Variants in PHLPP2 observed in about 807,000 individuals in gnomAD.
PHLPP2 encodes PH domain and leucine rich repeat protein phosphatase 2, also known as PH domain leucine-rich repeat-containing protein phosphatase 2.
Under a neutral mutation model 124.9 loss-of-function variants are expected in PHLPP2, and 66 were observed. The ratio of observed to expected loss-of-function variants is 0.53; its 90% CI spans 0.43 to 0.65. The LOEUF (loss-of-function observed/expected upper bound fraction) is 0.65, where lower values mean the gene tolerates loss of function less well. Among genes scored for constraint, PHLPP2 ranks in the 30% least tolerant of loss-of-function variants. The pLI, the probability that PHLPP2 is intolerant of heterozygous loss-of-function variation, is 0.00. For synonymous variants in PHLPP2, 681 were observed against 624.7 expected (o/e 1.09, Z -1.34); for missense variants, 1,685 against 1,600.4 (o/e 1.05, Z -0.90).
At chr16:71,706,025 G>A (rs555391589) in intron 2 of PHLPP2, among the ~76,000 whole-genome samples, 1 of 152,292 alleles carries the variant, frequency 6.6e-6, no homozygotes, top group East Asian at 1.9e-4. Context: ...TAAGAATCTG[G>A]TAATTAGCTA....
At chr16:71,687,846 G>A (rs1435666034) in intron 4 of PHLPP2, among the ~76,000 whole-genome samples, 1 of 151,724 alleles carries the variant, frequency 6.6e-6, no homozygotes, top group South Asian at 2.1e-4. Flanking sequence ...CTCTTCTCTA[G>A]AACTCCTATT....
intron 2 of PHLPP2, among the ~76,000 whole-genome samples, chr16:71,705,711 C>T (rs964989924): frequency 1.2e-4 from 18 of 152,238 alleles, no homozygotes; most frequent in East Asian, 9.7e-4. Flanking sequence ...AGGGTTTTAT[C>T]ATACTGGCCA....
intron 1 of PHLPP2, among the ~76,000 whole-genome samples, chr16:71,718,243 T>C (rs371232473): frequency 3.3e-5 from 5 of 152,226 alleles, no homozygotes; most frequent in African/African-American, 1.2e-4. Flanking sequence ...TGCATATATA[T>C]TTACCTTAGA....
intron 11 of PHLPP2, 66 bp from the exon 12 acceptor site, chr16:71,667,399 C>T (rs2044849055): frequency 8.6e-6 from 11 of 1,273,990 alleles, no homozygotes; most frequent in Non-Finnish European, 1.2e-5. Flanking sequence ...TGAGGCTGTC[C>T]TAGCCTATTT....
chr16:71,672,535 T>G (rs2044904507), intron 9 of PHLPP2, among the ~76,000 whole-genome samples: 1 of 152,268 alleles, frequency 6.6e-6, no homozygotes, highest in African/African-American at 2.4e-5. Flanking sequence ...TGAAGGATCC[T>G]GTGTACTGCA....
Position 71,652,887 on chromosome 16 carries a change from C to G in PHLPP2, c.2720G>C (p.Arg907Pro). 4.3e-6 allele frequency: 7 copies of G among 1,614,110 alleles called. No individual in the cohort carries two copies. Among genetic ancestry groups the G allele is most frequent in the Non-Finnish European group, 5.9e-6 (7 of 1,180,022 alleles). ...NVGTCQAVLC[R>P]GGKPVPLSKV... ...AGAGAGGGGCACTGGCTTCCCACCT[C>G]GGCACAGGACTGCTTGGCACGTGCC... Residue 907 changes from arginine (R) to proline (P), a missense_variant, in exon 18 of 19, where the codon CGA becomes CCA. By Grantham distance (103) the Arg-to-Pro change is moderately radical. Coordinates refer to ENST00000568954, the MANE Select transcript of PHLPP2 (RefSeq NM_015020.3).
Position 71,676,652 on chromosome 16 carries a change from T to C in PHLPP2, c.1269-3A>G. The C allele has an allele frequency of 6.3e-7, 1 of 1,597,422 alleles. No individual in the cohort carries two copies. The highest frequency in any genetic ancestry group is 1.1e-5 in the South Asian group (1 of 90,754). ...CCATGGTTTTCAAATGGTTCATCCT[T>C]AATACGCAGAAACAAGAAAATAATC... On this transcript the variant is annotated splice_region_variant and splice_polypyrimidine_tract_variant and intron_variant, in intron 8 of 18. Transcript: ENST00000568954.
chr16:71,662,340 G>A (rs1162596652), intron 13 of PHLPP2, among the ~76,000 whole-genome samples: 2 of 151,886 alleles, frequency 1.3e-5, no homozygotes, highest in Non-Finnish European at 2.9e-5. Flanking sequence ...TGAGGCAGGA[G>A]AATCACTTGA....
At chr16:71,707,564 C>G (rs2045286307) in intron 2 of PHLPP2, among the ~76,000 whole-genome samples, 1 of 152,046 alleles carries the variant, frequency 6.6e-6, no homozygotes, top group Non-Finnish European at 1.5e-5. Flanking sequence ...AAGATTCAAC[C>G]AATTATGCCT....
chr16:71,670,091 T>G (rs1256068558), intron 10 of PHLPP2, among the ~76,000 whole-genome samples: 1 of 152,134 alleles, frequency 6.6e-6, no homozygotes, highest in African/African-American at 2.4e-5. Flanking sequence ...ATGAAGATGT[T>G]GTACAAAGGC....
chr16:71,655,390 A>AC lies in PHLPP2; in HGVS notation c.2434dup (p.Val812GlyfsTer9), dbSNP rs767095088. ...ATCAAACATGCCATACACAGCTCCC[A>AC]CCCCCTCTGCAAAGCTATCCATAGC... On this transcript the variant is annotated frameshift_variant, in exon 17 of 19. Transcript: ENST00000568954. LOFTEE classifies it high-confidence loss of function. The AC allele has an allele frequency of 6.2e-7, 1 of 1,613,998 alleles. No homozygotes were observed. The highest frequency in any genetic ancestry group is 2.2e-5 in the East Asian group (1 of 44,870).
In PHLPP2 at chr16:71,645,810, A is replaced by C. The variant is rs2145296135; in HGVS notation, c.*3080T>G. ...AGCCCTGTATCAGGAGTGGTAATTC[A>C]ATGACTTGACTCTATAGTGCACTGC... On this transcript the variant is annotated 3_prime_UTR_variant, in exon 19 of 19. Transcript: ENST00000568954. The C allele has an allele frequency of 2.6e-5, 4 of 152,994 alleles. No individual in the cohort carries two copies. The South Asian group carries it at 8.3e-4, about 32-fold the overall frequency. 9.5% of individuals were successfully genotyped at this position (152,994 alleles called of 1,614,324 possible). A position where few individuals can be genotyped will look rare whatever the true frequency, so the allele number is the denominator to read the frequency against.
In PHLPP2 at chr16:71,714,683, G is replaced by A. The variant is rs2045347644; in HGVS notation, c.113C>T (p.Ala38Val). 1 of 1,613,724 alleles carries A rather than the reference G, an allele frequency of 6.2e-7. No homozygotes were observed. The highest frequency in any genetic ancestry group is 2.2e-5 in the East Asian group (1 of 44,884). The change falls in exon 2 of 19, where the codon GCA (alanine) becomes GTA (valine). Residue 38 changes from alanine to valine, a missense_variant. Transcript: ENST00000568954. ...GGTTGTAGTGGCAGTGGTAGTGTCT[G>A]CTCCATAAAGGTAAACACAGCCTCT... ...VKRGCVYLYG[A>V]DTTTATTTTT...
intron 8 of PHLPP2, chr16:71,678,047 G>C (rs1024687286): frequency 6.6e-6 from 1 of 152,080 alleles, no homozygotes; most frequent in Non-Finnish European, 1.5e-5. Context: ...ATGGTGGAGG[G>C]GTCGGGCACA....
chr16:71,716,236 A>G (rs2045362151), intron 1 of PHLPP2, among the ~76,000 whole-genome samples: 1 of 152,124 alleles, frequency 6.6e-6, no homozygotes, highest in African/African-American at 2.4e-5. Context: ...CCAATTTTTC[A>G]CTGCTAGAAA....
chr16:71,660,085 GAGAC>G (rs1163206672), intron 13 of PHLPP2, among the ~76,000 whole-genome samples: 1 of 151,262 alleles, frequency 6.6e-6, no homozygotes, highest in South Asian at 2.1e-4. Flanking sequence ...CTGAAAAATA[GAGAC>G]AAACAGGAAA....
At chr16:71,707,191 G>A (rs1191456333) in intron 2 of PHLPP2, among the ~76,000 whole-genome samples, 4 of 151,686 alleles carry the variant, frequency 2.6e-5, no homozygotes. Flanking sequence ...TCCTGACCTC[G>A]TGATCCGCCC....
At chr16:71,697,817 C>CTT (rs1003788064) in intron 3 of PHLPP2, among the ~76,000 whole-genome samples, 13 of 129,456 alleles carry the variant, frequency 1.0e-4, no homozygotes, top group Admixed American at 2.6e-4. Flanking sequence ...CTCTCTCTCT[C>CTT]TTTTTTTTTT....
chr16:71,708,088 C>T (rs919974267), intron 2 of PHLPP2, among the ~76,000 whole-genome samples: 7 of 152,150 alleles, frequency 4.6e-5, no homozygotes, highest in Non-Finnish European at 7.4e-5. Flanking sequence ...TAATCCTGCT[C>T]GAAGCAGCCC....
Sources: allele counts gnomAD v4.1 joint callset (sites outside exome capture counted in the v4.1 genomes callset), GRCh38; gene constraint gnomAD v4.1.1; transcripts MANE v1.5; gene names NCBI Gene and HGNC (gene_info 2026-07-23, HGNC 2026-07-21).